The following RSRC1 variants were observed in gnomAD, a reference collection of about 807,000 sequenced individuals.
The protein encoded by RSRC1 is serine/Arginine-related protein 53.
RSRC1 carries 39 observed loss-of-function variants against 49.1 expected under a neutral mutation model. The observed-to-expected ratio is 0.79, with a 90% CI of 0.61 to 1.04. The LOEUF (loss-of-function observed/expected upper bound fraction) is 1.04, where lower values mean the gene tolerates loss of function less well. RSRC1 is among the 50% of genes least tolerant of loss of function. The pLI, the probability that RSRC1 is intolerant of heterozygous loss-of-function variation, is 0.00. For missense variants in RSRC1, 388 were observed against 402.4 expected, an observed-to-expected ratio of 0.96 and a Z score of 0.31; for synonymous variants, 143 against 130.8, an observed-to-expected ratio of 1.09 and a Z score of -0.63.
chr3:158,124,107 A>C, intron 3 of RSRC1, 116 bp downstream of exon 3: 1 of 748,408 alleles, frequency 1.3e-6, no homozygotes, highest in Non-Finnish European at 1.9e-6. Context: ...CTTAGCTGGC[A>C]CTTATTTTTT....
intron 6 of RSRC1, among the ~76,000 whole-genome samples, chr3:158,424,541 T>C (rs1387912332): frequency 1.3e-5 from 2 of 150,646 alleles, no homozygotes; most frequent in Admixed American, 1.3e-4. Flanking sequence ...TAAAATTCTC[T>C]TTTTTGGTTG....
At chr3:158,481,312 C>T (rs149652403) in intron 7 of RSRC1, among the ~76,000 whole-genome samples, 22 of 152,210 alleles carry the variant, frequency 1.4e-4, no homozygotes, top group African/African-American at 4.8e-4. Flanking sequence ...ATCCAGGTTA[C>T]CCTGTACTGT....
chr3:158,280,441 A>G (rs942175858), intron 4 of RSRC1, among the ~76,000 whole-genome samples: 2 of 152,072 alleles, frequency 1.3e-5, no homozygotes, highest in Non-Finnish European at 2.9e-5. Flanking sequence ...CCTGTCTTTA[A>G]GCTCCACATG....
intron 4 of RSRC1, among the ~76,000 whole-genome samples, chr3:158,211,435 A>G (rs557971522): frequency 3.7e-4 from 56 of 152,120 alleles, no homozygotes; most frequent in Middle Eastern, 3.4e-3. Context: ...AACGTAGGCT[A>G]CCAAAAATCT....
At chr3:158,495,709 T>G (rs1238369729) in intron 7 of RSRC1, among the ~76,000 whole-genome samples, 2 of 152,214 alleles carry the variant, frequency 1.3e-5, no homozygotes, top group Non-Finnish European at 2.9e-5. Flanking sequence ...GTCAGCAAAC[T>G]AAGACCAATC....
intron 3 of RSRC1, among the ~76,000 whole-genome samples, chr3:158,202,171 C>T (rs887927139): frequency 1.3e-4 from 20 of 152,078 alleles, no homozygotes; most frequent in Admixed American, 1.0e-3. Flanking sequence ...TGTGCCACCA[C>T]GCCCAGCTAA....
At chr3:158,327,158 A>G (rs1011913382) in intron 5 of RSRC1, among the ~76,000 whole-genome samples, 12 of 151,942 alleles carry the variant, frequency 7.9e-5, no homozygotes, top group African/African-American at 2.7e-4. Flanking sequence ...CGGTCTATCA[A>G]TTTTGTTGAT....
chr3:158,449,289 T>G (rs968397485), intron 6 of RSRC1, among the ~76,000 whole-genome samples: 45 of 151,810 alleles, frequency 3.0e-4, no homozygotes, highest in African/African-American at 1.1e-3. Flanking sequence ...AGAATCTGAG[T>G]TAGGGAAGAA....
intron 7 of RSRC1, among the ~76,000 whole-genome samples, chr3:158,508,624 C>T (rs1739994554): frequency 1.3e-5 from 2 of 151,948 alleles, no homozygotes; most frequent in South Asian, 4.1e-4. Context: ...CAGAAATAAA[C>T]AATTCATAAG....
chr3:158,380,130 A>G (rs1303414504), intron 6 of RSRC1, among the ~76,000 whole-genome samples: 1 of 152,172 alleles, frequency 6.6e-6, no homozygotes, highest in Non-Finnish European at 1.5e-5. Flanking sequence ...AAATATACAT[A>G]TTACTGATTC....
intron 3 of RSRC1, among the ~76,000 whole-genome samples, chr3:158,172,214 T>G (rs1387708259): frequency 6.6e-6 from 1 of 152,052 alleles, no homozygotes; most frequent in East Asian, 1.9e-4. Flanking sequence ...TTTAAGAAAC[T>G]CAGTGAATCC....
At chr3:158,481,397 C>A (rs939006244) in intron 7 of RSRC1, among the ~76,000 whole-genome samples, 3 of 151,952 alleles carry the variant, frequency 2.0e-5, no homozygotes, top group Non-Finnish European at 1.5e-5. Context: ...TTTTAGTGTT[C>A]TCTTATCTGA....
chr3:158,183,787 G>C (rs1719769880), intron 3 of RSRC1, among the ~76,000 whole-genome samples: 1 of 151,932 alleles, frequency 6.6e-6, no homozygotes, highest in African/African-American at 2.4e-5. Context: ...ATGGTGGCAT[G>C]CACCTGTAGT....
Position 158,466,576 on chromosome 3 carries a change from A to G in RSRC1, c.652+5573A>G, listed in dbSNP as rs138179298. On this transcript the variant is annotated intron_variant, in intron 7 of 9. Coordinates refer to ENST00000611884, the MANE Select transcript of RSRC1 (RefSeq NM_001271838.2). ...GAAGCTAGTACAATCTAAGGAATCA[A>G]TTGTGCTCTACTTGAAATAGCCCTA... is the stretch of plus-strand genomic sequence containing the variant. Among the ~76,000 whole-genome samples, 249 of 152,328 alleles carry G rather than the reference A, an allele frequency of 1.6e-3. 1 individual carries two copies. The highest frequency in any genetic ancestry group is 0.013 in the Admixed American group (203 of 15,294).
At chr3:158,522,563 G>A (rs1049213282) in intron 7 of RSRC1, among the ~76,000 whole-genome samples, 1 of 152,142 alleles carries the variant, frequency 6.6e-6, no homozygotes, top group Non-Finnish European at 1.5e-5. Context: ...GAAAGAAAAA[G>A]CTGAATTGAG....
At chr3:158,239,005 A>G (rs556398723) in intron 4 of RSRC1, among the ~76,000 whole-genome samples, 42 of 152,260 alleles carry the variant, frequency 2.8e-4, no homozygotes, top group African/African-American at 1.0e-3. Context: ...TACAAAGCAC[A>G]TAAACAAATT....
At chr3:158,440,415 T>G (rs1294460037) in intron 6 of RSRC1, among the ~76,000 whole-genome samples, 1 of 152,220 alleles carries the variant, frequency 6.6e-6, no homozygotes, top group South Asian at 2.1e-4. Context: ...AGTCTAAATT[T>G]CTTTGCTTAG....
intron 5 of RSRC1, among the ~76,000 whole-genome samples, chr3:158,321,992 C>T (rs923189423): frequency 3.3e-5 from 5 of 151,980 alleles, no homozygotes; most frequent in African/African-American, 1.2e-4. Context: ...CACACACACA[C>T]ACACACACAC....
chr3:158,441,579 G>A (rs973826489), intron 6 of RSRC1, among the ~76,000 whole-genome samples: 1 of 151,960 alleles, frequency 6.6e-6, no homozygotes, highest in Non-Finnish European at 1.5e-5. Flanking sequence ...TAATAAACTT[G>A]TGTATTCTCT....
Sources: allele counts gnomAD v4.1 joint callset (sites outside exome capture counted in the v4.1 genomes callset), GRCh38; gene constraint gnomAD v4.1.1; transcripts MANE v1.5; gene names NCBI Gene and HGNC (gene_info 2026-07-23, HGNC 2026-07-21).